STK40: variants seen among roughly 807,000 people sequenced by gnomAD.
STK40 encodes serine/threonine-protein kinase 40.
A neutral mutation model predicts 47.9 loss-of-function variants in STK40; 13 were observed. The ratio of observed to expected loss-of-function variants is 0.27; its 90% confidence interval spans 0.18 to 0.43. STK40 has a LOEUF of 0.43. Ranked by LOEUF, STK40 falls within the 20% of genes least tolerant of loss-of-function variation. The pLI is 1.00. For missense variants in STK40, 460 were observed against 595.1 expected (o/e 0.77, Z 2.36); for synonymous variants, 225 against 243.2 (o/e 0.93, Z 0.69).
At chr1:36,376,112 G>A (rs1277566168) in intron 1 of STK40, among the ~76,000 whole-genome samples, 4 of 152,184 alleles carry the variant, frequency 2.6e-5, no homozygotes, top group African/African-American at 9.7e-5. Flanking sequence ...TGGCTGCTCA[G>A]AGGGGCAACA....
At chr1:36,375,987 A>G (rs1468169030) in intron 1 of STK40, among the ~76,000 whole-genome samples, 2 of 151,758 alleles carry the variant, frequency 1.3e-5, no homozygotes, top group Non-Finnish European at 2.9e-5. Flanking sequence ...GCGCCATTGC[A>G]CTCCAGCCTG....
chr1:36,361,256 C>T lies in STK40; in HGVS notation c.77G>A (p.Gly26Glu). The stretch of plus-strand genomic sequence containing the variant: ...TGGTCCAGCTCTCTTTGCATTATTT[C>T]CAGAAATCCCACTTCCTAGAGCCTT... ...RAKALGSGISGNNAKRAGPFI... is the reference protein window; with the variant it reads ...RAKALGSGISENNAKRAGPFI... Residue 26 changes from glycine (G) to glutamate (E), a missense_variant, in exon 2 of 11, where the codon GGA becomes GAA. Gly to Glu is a moderately conservative substitution (Grantham distance 98, BLOSUM62 -2). Coordinates refer to ENST00000373132, the MANE Select transcript of STK40 (RefSeq NM_001282547.2). 1 of 1,614,226 alleles carries T rather than the reference C, an allele frequency of 6.2e-7. No individual in the cohort carries two copies. The highest frequency in any genetic ancestry group is 1.3e-5 in the African/African-American group (1 of 75,056).
chr1:36,378,341 GAC>G (rs1358998661), intron 1 of STK40, among the ~76,000 whole-genome samples: 1 of 152,180 alleles, frequency 6.6e-6, no homozygotes, highest in Non-Finnish European at 1.5e-5. Context: ...TGTAATAGTA[GAC>G]AGTCTTTTTA....
chr1:36,358,732 C>G lies in STK40; in HGVS notation c.198+5G>C, dbSNP rs1557514186. 2 of 1,614,142 alleles carry G rather than the reference C, an allele frequency of 1.2e-6. No individual in the cohort carries two copies. The highest frequency in any genetic ancestry group is 1.7e-6 in the Non-Finnish European group (2 of 1,180,008). On this transcript the variant is annotated splice_donor_5th_base_variant and intron_variant, in intron 3 of 10. Coordinates refer to ENST00000373132, the MANE Select transcript of STK40 (RefSeq NM_001282547.2). ...GAGGCACCCTCACCCCCATGTCTCA[C>G]TTACCTTCAGCTGATAGAAGTCATC...
chr1:36,376,276 C>A (rs1045790485), intron 1 of STK40, among the ~76,000 whole-genome samples: 2 of 152,142 alleles, frequency 1.3e-5, no homozygotes, highest in South Asian at 2.1e-4. Context: ...GCATTGAGGG[C>A]GTGTTCATTA....
At chr1:36,351,025 T>C (rs1646747696) in intron 6 of STK40, among the ~76,000 whole-genome samples, 2 of 152,158 alleles carry the variant, frequency 1.3e-5, no homozygotes, top group Admixed American at 1.3e-4. Flanking sequence ...GAGGGGGCAA[T>C]GGCAGAGTGG....
chr1:36,373,680 C>T (rs753578410), intron 1 of STK40, among the ~76,000 whole-genome samples: 3 of 152,236 alleles, frequency 2.0e-5, no homozygotes, highest in Non-Finnish European at 4.4e-5. Flanking sequence ...GACAAAGATT[C>T]ATGCATGTGC....
intron 6 of STK40, among the ~76,000 whole-genome samples, chr1:36,351,183 G>A (rs550476903): frequency 1.3e-5 from 2 of 152,186 alleles, no homozygotes; most frequent in Non-Finnish European, 2.9e-5. Context: ...GAAGGAAAAA[G>A]ACCCCACAGC....
At chr1:36,384,717 A>G (rs1647070932) in intron 1 of STK40, among the ~76,000 whole-genome samples, 1 of 152,242 alleles carries the variant, frequency 6.6e-6, no homozygotes, top group Non-Finnish European at 1.5e-5. Context: ...TGAATGAATG[A>G]GGACTGTCTA....
intron 1 of STK40, among the ~76,000 whole-genome samples, chr1:36,375,805 G>A (rs375443984): frequency 6.6e-6 from 1 of 152,260 alleles, no homozygotes; most frequent in East Asian, 1.9e-4. Flanking sequence ...TGGATCACCT[G>A]AGGTCAGGAG....
At chr1:36,343,063 T>C in intron 10 of STK40, 1 of 602,692 alleles carries the variant, frequency 1.7e-6, no homozygotes, top group Non-Finnish European at 3.0e-6. Context: ...GGCAGAGAAA[T>C]GTGACTTGGG....
chr1:36,354,152 C>T (rs1646782186), intron 6 of STK40, among the ~76,000 whole-genome samples: 2 of 152,182 alleles, frequency 1.3e-5, no homozygotes, highest in South Asian at 2.1e-4. Flanking sequence ...TAAAGTTCTT[C>T]CCAGAGCTCC....
chr1:36,384,507 T>C (rs1012639139), intron 1 of STK40, among the ~76,000 whole-genome samples: 3 of 152,250 alleles, frequency 2.0e-5, no homozygotes, highest in African/African-American at 7.2e-5. Flanking sequence ...CTCTCTCTGT[T>C]ATCATCCTTG....
intron 7 of STK40, among the ~76,000 whole-genome samples, chr1:36,345,531 C>T (rs1465467260): frequency 6.6e-6 from 1 of 152,166 alleles, no homozygotes; most frequent in East Asian, 1.9e-4. Flanking sequence ...AGGCTCTTTC[C>T]AGCGCCCGGT....
intron 6 of STK40, among the ~76,000 whole-genome samples, chr1:36,350,396 A>G (rs1320660287): frequency 3.3e-5 from 5 of 152,158 alleles, no homozygotes; most frequent in African/African-American, 9.7e-5. Flanking sequence ...GGAAGCTGCA[A>G]ATGCATCCTG....
At chr1:36,367,513 T>G (rs1457208997) in intron 1 of STK40, among the ~76,000 whole-genome samples, 1 of 152,072 alleles carries the variant, frequency 6.6e-6, no homozygotes, top group Non-Finnish European at 1.5e-5. Flanking sequence ...AGCAAGGCAG[T>G]GAAAGCCAAG....
chr1:36,355,576 G>A, intron 4 of STK40, 143 bp from the exon 5 acceptor site: 2 of 879,672 alleles, frequency 2.3e-6, no homozygotes, highest in South Asian at 3.1e-5. Context: ...AGAGAGGACT[G>A]AGGCCTGGGC....
chr1:36,356,234 G>A (rs1557512244), intron 4 of STK40, among the ~76,000 whole-genome samples: 2 of 152,070 alleles, frequency 1.3e-5, no homozygotes, highest in Non-Finnish European at 2.9e-5. Context: ...TTGTGGCTGC[G>A]AGATGGACAC....
At chr1:36,370,015 C>T (rs1646931720) in intron 1 of STK40, among the ~76,000 whole-genome samples, 1 of 152,248 alleles carries the variant, frequency 6.6e-6, no homozygotes. Flanking sequence ...TAGCCAGTAT[C>T]TGCCAAGTCA....
Sources: gnomAD v4.1 joint callset for allele counts (sites outside exome capture counted in the v4.1 genomes callset) on GRCh38, gnomAD v4.1.1 for gene constraint, MANE v1.5 for transcripts, NCBI Gene and HGNC (gene_info 2026-07-23, HGNC 2026-07-21) for gene names.